PSD3: variants seen among roughly 807,000 people sequenced by gnomAD.
PSD3 encodes pleckstrin and Sec7 domain containing 3.
Under a neutral mutation model 105.5 loss-of-function variants are expected in PSD3, and 49 were observed. The observed-to-expected ratio is 0.46, with a 90% confidence interval of 0.37 to 0.59. The LOEUF (loss-of-function observed/expected upper bound fraction) is 0.59. Ranked by LOEUF, PSD3 falls within the 20% of genes least tolerant of loss-of-function variation. The pLI is 0.00. For synonymous variants in PSD3, 557 were observed against 457.8 expected, an observed-to-expected ratio of 1.22 and a Z score of -2.77; for missense variants, 1,561 against 1,263.8, an observed-to-expected ratio of 1.24 and a Z score of -3.57.
intron 4 of PSD3, among the ~76,000 whole-genome samples, chr8:18,863,076 C>T (rs1005707654): frequency 1.3e-5 from 2 of 152,120 alleles, no homozygotes; most frequent in South Asian, 2.1e-4. Context: ...TAGATCATCA[C>T]GCTACAAAGG....
At chr8:18,799,385 A>G in intron 7 of PSD3, 32 bp from the exon 8 acceptor site, 1 of 1,538,518 alleles carries the variant, frequency 6.5e-7, no homozygotes, top group Non-Finnish European at 9.0e-7. Flanking sequence ...AAAAGCATGA[A>G]TTCGCTTTTC....
intron 2 of PSD3, among the ~76,000 whole-genome samples, chr8:18,934,012 T>G (rs1198547187): frequency 2.6e-5 from 4 of 152,092 alleles, no homozygotes; most frequent in Middle Eastern, 3.4e-3. Context: ...AATTTAGCTG[T>G]TTTTTTTACT....
intron 1 of PSD3, among the ~76,000 whole-genome samples, chr8:19,073,603 A>G (rs1829346982): frequency 6.9e-6 from 1 of 145,062 alleles, no homozygotes; most frequent in South Asian, 2.2e-4. Context: ...AAGAGGTCTT[A>G]ATAATTGTCT....
intron 1 of PSD3, among the ~76,000 whole-genome samples, chr8:18,998,093 G>C (rs1826175889): frequency 6.6e-6 from 1 of 151,838 alleles, no homozygotes; most frequent in African/African-American, 2.4e-5. Flanking sequence ...AACACCATCT[G>C]TTGAATGAAT....
chr8:18,877,769 T>C (rs1176953868), intron 2 of PSD3, among the ~76,000 whole-genome samples: 1 of 152,058 alleles, frequency 6.6e-6, no homozygotes, highest in Non-Finnish European at 1.5e-5. Context: ...CTTGAACTCC[T>C]AGGCTCAAGT....
intron 1 of PSD3, among the ~76,000 whole-genome samples, chr8:18,952,090 T>C (rs1023599365): frequency 1.3e-5 from 2 of 152,124 alleles, no homozygotes; most frequent in Non-Finnish European, 2.9e-5. Flanking sequence ...TAAAGAATAA[T>C]GGGTGGATGC....
At chr8:18,684,070 A>C in intron 9 of PSD3, 2 of 601,776 alleles carry the variant, frequency 3.3e-6, no homozygotes, top group South Asian at 2.2e-5. Flanking sequence ...TTAGCTTAAG[A>C]AGCACCAGGC....
At chr8:18,986,899 C>T (rs183539748) in intron 1 of PSD3, among the ~76,000 whole-genome samples, 290 of 152,184 alleles carry the variant, frequency 1.9e-3, no homozygotes, top group Non-Finnish European at 3.1e-3. Context: ...CCTCACACAC[C>T]GTGGGCCTAC....
chr8:19,081,723 G>T (rs1194104626), intron 1 of PSD3, among the ~76,000 whole-genome samples: 2 of 152,136 alleles, frequency 1.3e-5, no homozygotes, highest in African/African-American at 4.8e-5. Context: ...TGCAAGCCAA[G>T]ATTTTTTACT....
chr8:18,639,008 G>C lies in PSD3; in HGVS notation c.2217-6202C>G, dbSNP rs556595566. ...ATTGACCACTGCCCTTCCGTGGCTT[G>C]TGCCAGTCTGAAATCCAAACTATGA... On this transcript the variant is annotated intron_variant, in intron 10 of 15. Transcript: ENST00000327040. 3.9e-5 allele frequency among the ~76,000 whole-genome samples: 6 copies of C among 152,278 alleles called. No individual in the cohort carries two copies. In the East Asian group the frequency reaches 1.2e-3, roughly 29 times the overall value.
chr8:18,581,629 TG>T (rs1307827763), intron 12 of PSD3, among the ~76,000 whole-genome samples: 17 of 152,216 alleles, frequency 1.1e-4, no homozygotes, highest in African/African-American at 4.1e-4. Context: ...CCATTCACCC[TG>T]TGTTTTCTCC....
intron 9 of PSD3, among the ~76,000 whole-genome samples, chr8:18,719,497 T>C (rs971184994): frequency 2.6e-5 from 4 of 152,206 alleles, no homozygotes; most frequent in Non-Finnish European, 5.9e-5. Flanking sequence ...TAAAACAATA[T>C]TCATATTTGT....
At chr8:19,073,097 A>G (rs1034913441) in intron 1 of PSD3, among the ~76,000 whole-genome samples, 1 of 152,050 alleles carries the variant, frequency 6.6e-6, no homozygotes, top group Non-Finnish European at 1.5e-5. Flanking sequence ...TAATTCATGA[A>G]TAACTTATTT....
chr8:18,614,337 C>T (rs1291073898), intron 11 of PSD3, among the ~76,000 whole-genome samples: 1 of 149,832 alleles, frequency 6.7e-6, no homozygotes, highest in Non-Finnish European at 1.5e-5. Flanking sequence ...CCCTTCTCCC[C>T]CATCCCCCCC....
At chr8:18,608,695 T>C (rs763645698) in intron 11 of PSD3, among the ~76,000 whole-genome samples, 2 of 152,162 alleles carry the variant, frequency 1.3e-5, no homozygotes, top group Non-Finnish European at 2.9e-5. Context: ...CCCTCTTTCA[T>C]AAAGAGGAAG....
intron 14 of PSD3, among the ~76,000 whole-genome samples, chr8:18,557,045 C>T (rs1005452751): frequency 6.6e-6 from 1 of 152,222 alleles, no homozygotes; most frequent in African/African-American, 2.4e-5. Context: ...GTTGATCCTA[C>T]ATCAAAGGAT....
intron 1 of PSD3, among the ~76,000 whole-genome samples, chr8:19,023,646 A>G (rs891717433): frequency 1.3e-5 from 2 of 152,110 alleles, no homozygotes; most frequent in Admixed American, 6.6e-5. Context: ...TATGTTGCCC[A>G]GGCTGGTCTG....
chr8:18,585,099 T>C (rs921299335), intron 12 of PSD3, among the ~76,000 whole-genome samples: 1 of 152,206 alleles, frequency 6.6e-6, no homozygotes, highest in Non-Finnish European at 1.5e-5. Context: ...CTGCCTTGCC[T>C]GGCACTAGTG....
At chr8:18,687,711 G>C (rs1222995483) in intron 9 of PSD3, among the ~76,000 whole-genome samples, 1 of 152,118 alleles carries the variant, frequency 6.6e-6, no homozygotes, top group Non-Finnish European at 1.5e-5. Context: ...GTTTGTGTGT[G>C]TGCGCTTGCC....
Sources: allele counts gnomAD v4.1 joint callset (sites outside exome capture counted in the v4.1 genomes callset), GRCh38; gene constraint gnomAD v4.1.1; transcripts MANE v1.5; gene names NCBI Gene and HGNC (gene_info 2026-07-23, HGNC 2026-07-21).